Variants in DCBLD1 observed in about 807,000 individuals in gnomAD.
The protein encoded by DCBLD1 is discoidin, CUB and LCCL domain-containing protein 1.
DCBLD1 carries 57 observed loss-of-function variants against 71.5 expected under a neutral mutation model. The ratio of observed to expected loss-of-function variants is 0.80; its 90% CI spans 0.64 to 0.99. The LOEUF (loss-of-function observed/expected upper bound fraction) is 0.99. Among genes scored for constraint, DCBLD1 ranks in the 50% least tolerant of loss-of-function variants. DCBLD1 has a pLI of 0.00. For missense variants in DCBLD1, 891 were observed against 923.5 expected (o/e 0.96, Z 0.46); for synonymous variants, 380 against 363.8 (o/e 1.04, Z -0.51).
chr6:117,489,400 A>G (rs1402197139), intron 1 of DCBLD1, among the ~76,000 whole-genome samples: 2 of 152,204 alleles, frequency 1.3e-5, no homozygotes, highest in African/African-American at 4.8e-5. Context: ...ATTGGGGATC[A>G]TATTCCAACA....
intron 1 of DCBLD1, among the ~76,000 whole-genome samples, chr6:117,488,797 A>G (rs557342734): frequency 2.0e-5 from 3 of 152,320 alleles, no homozygotes; most frequent in South Asian, 4.1e-4. Flanking sequence ...ATGGTCTGCT[A>G]ATGCTTATAC....
At chr6:117,536,732 T>C (rs1778895326) in intron 6 of DCBLD1, among the ~76,000 whole-genome samples, 1 of 152,160 alleles carries the variant, frequency 6.6e-6, no homozygotes, top group South Asian at 2.1e-4. Context: ...GGAAGGCAGA[T>C]GGAAATGAGT....
At chr6:117,545,872 T>C (rs1423985724) in intron 14 of DCBLD1, among the ~76,000 whole-genome samples, 3 of 152,172 alleles carry the variant, frequency 2.0e-5, no homozygotes, top group Non-Finnish European at 4.4e-5. Context: ...CCTGAATCTA[T>C]TTTTGTTACC....
chr6:117,519,703 C>T, intron 2 of DCBLD1, 113 bp from the exon 3 acceptor site: 3 of 1,322,538 alleles, frequency 2.3e-6, no homozygotes, highest in Non-Finnish European at 3.1e-6. Flanking sequence ...AGATTATAAT[C>T]ATACATATGT....
chr6:117,562,093 A>C (rs1426416697), intron 14 of DCBLD1: 2 of 205,992 alleles, frequency 9.7e-6, no homozygotes, highest in Non-Finnish European at 9.9e-6. Context: ...GGTTACAATG[A>C]CCTGCAGAAT....
chr6:117,556,082 T>A (rs751536103), intron 14 of DCBLD1, among the ~76,000 whole-genome samples: 15 of 152,240 alleles, frequency 9.9e-5, no homozygotes, highest in Non-Finnish European at 1.3e-4. Context: ...GCATCTGGAA[T>A]CTGCTGCCCC....
Position 117,548,342 on chromosome 6 carries a change from A to G in DCBLD1, c.2051A>G (p.Gln684Arg). 6.4e-7 allele frequency: 1 copy of G among 1,550,688 alleles called. No homozygotes were observed. Residue 684 changes from glutamine to arginine, a missense_variant, in exon 15 of 15, where the codon CAG (glutamine) becomes CGG (arginine). Transcript: ENST00000338728. ...LATESGHPDS[Q>R]KPPTHPGTSD... is the part of the protein sequence containing the mutation. ...ACCGAAAGCGGGCACCCTGACTCTCAGAAGCCCCCAACGCATCCCGGGACG... is the reference window on the plus strand; with the variant it reads ...ACCGAAAGCGGGCACCCTGACTCTCGGAAGCCCCCAACGCATCCCGGGACG...
intron 1 of DCBLD1, among the ~76,000 whole-genome samples, chr6:117,489,844 C>A (rs1777226702): frequency 6.6e-6 from 1 of 152,102 alleles, no homozygotes; most frequent in African/African-American, 2.4e-5. Context: ...GAGATCACGC[C>A]CCTGCACTCC....
At chr6:117,524,505 T>C (rs1310728228) in intron 4 of DCBLD1, among the ~76,000 whole-genome samples, 1 of 152,118 alleles carries the variant, frequency 6.6e-6, no homozygotes, top group East Asian at 1.9e-4. Flanking sequence ...TGTCCGGCCT[T>C]GGAATCCTAA....
chr6:117,568,696 G>A (rs1779747310), intron 14 of DCBLD1, among the ~76,000 whole-genome samples: 1 of 152,198 alleles, frequency 6.6e-6, no homozygotes, highest in Non-Finnish European at 1.5e-5. Context: ...CTGTCATGGA[G>A]ACACAGATTT....
At chr6:117,552,106 C>T (rs1218996447), downstream of DCBLD1, among the ~76,000 whole-genome samples, 2 of 152,166 alleles carry the variant, frequency 1.3e-5, no homozygotes, top group Non-Finnish European at 2.9e-5. Context: ...GGCAACAGAG[C>T]AAGACCATGT....
chr6:117,569,034 A>G (rs1179982841), intron 14 of DCBLD1, among the ~76,000 whole-genome samples: 1 of 152,196 alleles, frequency 6.6e-6, no homozygotes, highest in Non-Finnish European at 1.5e-5. Context: ...CTGAGTATGA[A>G]TCTCAATTCT....
At chr6:117,535,812 C>A (rs2114534313) in intron 6 of DCBLD1, among the ~76,000 whole-genome samples, 1 of 152,256 alleles carries the variant, frequency 6.6e-6, no homozygotes, top group South Asian at 2.1e-4. Flanking sequence ...CCACATAAAT[C>A]TTAATACAAT....
At chr6:117,486,736 A>G (rs1777099072) in intron 1 of DCBLD1, among the ~76,000 whole-genome samples, 1 of 152,206 alleles carries the variant, frequency 6.6e-6, no homozygotes, top group Non-Finnish European at 1.5e-5. Flanking sequence ...CTTCATTCCC[A>G]GAACTCCATA....
At chr6:117,554,441 T>C (rs979167576), downstream of DCBLD1, among the ~76,000 whole-genome samples, 1 of 152,232 alleles carries the variant, frequency 6.6e-6, no homozygotes, top group Non-Finnish European at 1.5e-5. Flanking sequence ...TCAGCATCTA[T>C]GGAAAATATG....
chr6:117,537,253 T>G, intron 7 of DCBLD1, 28 bp downstream of exon 7: 1 of 1,612,588 alleles, frequency 6.2e-7, no homozygotes, highest in Non-Finnish European at 8.5e-7. Context: ...CTTAAGAATT[T>G]GATATTTTCG....
At chr6:117,505,744 C>T (rs999170367) in intron 2 of DCBLD1, among the ~76,000 whole-genome samples, 4 of 152,100 alleles carry the variant, frequency 2.6e-5, no homozygotes, top group Non-Finnish European at 5.9e-5. Flanking sequence ...GAGGAATGAT[C>T]GCTTGAGCTC....
intron 2 of DCBLD1, among the ~76,000 whole-genome samples, chr6:117,507,022 A>T (rs763686603): frequency 6.6e-6 from 1 of 152,234 alleles, no homozygotes; most frequent in Admixed American, 6.5e-5. Context: ...GGATTTTAAA[A>T]CTTAAAACTA....
chr6:117,489,319 G>T (rs991650674), intron 1 of DCBLD1, among the ~76,000 whole-genome samples: 19 of 152,134 alleles, frequency 1.2e-4, no homozygotes, highest in Non-Finnish European at 2.5e-4. Flanking sequence ...TCACCAAGGG[G>T]ATGGTGCCAA....
Sources: gnomAD v4.1 joint callset for allele counts (sites outside exome capture counted in the v4.1 genomes callset) on GRCh38, gnomAD v4.1.1 for gene constraint, MANE v1.5 for transcripts, NCBI Gene and HGNC (gene_info 2026-07-23, HGNC 2026-07-21) for gene names.